The following EXOC1 variants were observed in gnomAD, a reference collection of about 807,000 sequenced individuals.
The protein encoded by EXOC1 is exocyst complex component 1.
A neutral mutation model predicts 107.7 loss-of-function variants in EXOC1; 67 were observed. The observed-to-expected ratio is 0.62, with a 90% CI of 0.51 to 0.76. The LOEUF is 0.76. Among genes scored for constraint, EXOC1 ranks in the 30% least tolerant of loss-of-function variants. The pLI, the probability that EXOC1 is intolerant of heterozygous loss-of-function variation, is 0.00. For synonymous variants in EXOC1, 348 were observed against 353.5 expected, an observed-to-expected ratio of 0.98 and a Z score of 0.17; for missense variants, 833 against 1,055.7, an observed-to-expected ratio of 0.79 and a Z score of 2.92.
At chr4:55,904,242 A>C in intron 18 of EXOC1, 101 bp from the exon 19 acceptor site, 1 of 1,217,084 alleles carries the variant, frequency 8.2e-7, no homozygotes, top group Non-Finnish European at 1.1e-6. Flanking sequence ...CCTAGCTACT[A>C]TACTACCCAA....
At chr4:55,873,315 C>A (rs112583306) in intron 8 of EXOC1, among the ~76,000 whole-genome samples, 2 of 151,980 alleles carry the variant, frequency 1.3e-5, no homozygotes, top group Non-Finnish European at 2.9e-5. Context: ...GAGAGATTCC[C>A]TTAACATTCC....
At position 55,858,677 on chromosome 4, in the gene EXOC1, T is replaced by G. The variant is rs115232064; in HGVS notation, c.124+230T>G. 5.9e-3 allele frequency among the ~76,000 whole-genome samples: 900 copies of G among 152,300 alleles called. 8 individuals are homozygous for G. The highest frequency in any genetic ancestry group is 0.021 in the African/African-American group (854 of 41,570). ...TTATATTTCCCTATAATGATGAGATTGAGCATCTTCTCATGAATTTCTTAG... is the reference window on the plus strand; with the variant it reads ...TTATATTTCCCTATAATGATGAGATGGAGCATCTTCTCATGAATTTCTTAG... On this transcript the variant is annotated intron_variant, in intron 2 of 18. Transcript: ENST00000381295.
At chr4:55,900,319 AATGACC>A in intron 17 of EXOC1, among the ~76,000 whole-genome samples, 1 of 152,316 alleles carries the variant, frequency 6.6e-6, no homozygotes, top group Admixed American at 6.5e-5. Context: ...TTACTTTATA[AATGACC>A]AAGTTTACAA....
chr4:55,865,820 C>G lies in EXOC1; in HGVS notation c.415+1434C>G, dbSNP rs11729456. Among the ~76,000 whole-genome samples, 2 of 150,524 alleles carry G rather than the reference C, an allele frequency of 1.3e-5. 1 individual carries two copies. The highest frequency in any genetic ancestry group is 4.9e-5 in the African/African-American group (2 of 40,882). On this transcript the variant is annotated intron_variant, in intron 4 of 18. Coordinates refer to ENST00000381295, the MANE Select transcript of EXOC1 (RefSeq NM_001024924.2). ...ATTACTGTTTTTGAAAATGAAGTGT[C>G]TAACTTAAAAAAAAAAAGGCATTCA...
chr4:55,889,451 T>TG (rs555484595), intron 11 of EXOC1, among the ~76,000 whole-genome samples: 302 of 152,352 alleles, frequency 2.0e-3, no homozygotes, highest in African/African-American at 6.9e-3. Flanking sequence ...TGTGAGCTAT[T>TG]GCCAGCTATA....
At chr4:55,870,620 A>G (rs1722334056) in intron 5 of EXOC1, 58 bp from the exon 6 acceptor site, 4 of 1,389,548 alleles carry the variant, frequency 2.9e-6, no homozygotes, top group South Asian at 2.4e-5. Flanking sequence ...CTAAATAACA[A>G]GTATGTTTTT....
intron 10 of EXOC1, among the ~76,000 whole-genome samples, chr4:55,884,524 G>C (rs1217873323): frequency 6.6e-6 from 1 of 152,164 alleles, no homozygotes; most frequent in Non-Finnish European, 1.5e-5. Flanking sequence ...TTGTTTATAA[G>C]TATTTTAAAT....
At chr4:55,864,904 G>A (rs1721816967) in intron 4 of EXOC1, among the ~76,000 whole-genome samples, 1 of 152,162 alleles carries the variant, frequency 6.6e-6, no homozygotes, top group Admixed American at 6.5e-5. Flanking sequence ...GGTAGATGTA[G>A]TGGTTAAGAA....
In EXOC1 at chr4:55,868,781, A is replaced by C. The variant is rs74457974; in HGVS notation, c.603+258A>C. 4.5e-3 allele frequency: 1,411 copies of C among 316,292 alleles called. 8 individuals are homozygous for C. The highest frequency in any genetic ancestry group is 0.027 in the African/African-American group (1,285 of 47,356). The allele number at this position is 316,292 out of a possible 1,614,324, so 19.6% of individuals were successfully genotyped here. A position where few individuals can be genotyped will look rare whatever the true frequency, so the allele number is the denominator to read the frequency against. ...TTGATATGAAGTGACTGGAGTAAAA[A>C]CTAGGCCAGAGAACATCTTGGGAGT... On this transcript the variant is annotated intron_variant, in intron 5 of 18. Transcript: ENST00000381295.
intron 12 of EXOC1, among the ~76,000 whole-genome samples, chr4:55,890,790 C>A (rs1164675206): frequency 1.3e-5 from 2 of 152,182 alleles, no homozygotes; most frequent in Non-Finnish European, 2.9e-5. Flanking sequence ...AATGCAGTGG[C>A]ACAGTCTCAG....
intron 9 of EXOC1, among the ~76,000 whole-genome samples, chr4:55,881,883 A>T (rs1723416815): frequency 6.6e-6 from 1 of 152,196 alleles, no homozygotes; most frequent in South Asian, 2.1e-4. Flanking sequence ...ATAAAGAAAA[A>T]GTAAACCATG....
At chr4:55,901,311 AAAC>A (rs1181274122) in intron 17 of EXOC1, among the ~76,000 whole-genome samples, 1 of 152,222 alleles carries the variant, frequency 6.6e-6, no homozygotes, top group Non-Finnish European at 1.5e-5. Flanking sequence ...GCTTATGTAA[AAAC>A]AAAATTTTTA....
At chr4:55,866,841 C>G in intron 4 of EXOC1, 1 of 984,786 alleles carries the variant, frequency 1.0e-6, no homozygotes, top group East Asian at 1.1e-4. Flanking sequence ...GCTTACTTTC[C>G]TCTGCTTTTT....
At chr4:55,874,511 T>C (rs563635020) in intron 8 of EXOC1, among the ~76,000 whole-genome samples, 8 of 152,184 alleles carry the variant, frequency 5.3e-5, no homozygotes, top group Non-Finnish European at 1.0e-4. Flanking sequence ...TTCATTGTAC[T>C]TTTTCTTATT....
intron 1 of EXOC1, among the ~76,000 whole-genome samples, chr4:55,855,561 T>A (rs936699758): frequency 2.9e-4 from 44 of 152,236 alleles, no homozygotes; most frequent in African/African-American, 9.6e-4. Flanking sequence ...AAAATACAGC[T>A]AGCTAGAAAA....
intron 8 of EXOC1, chr4:55,877,142 G>A (rs541036859): frequency 2.1e-5 from 21 of 977,706 alleles, no homozygotes; most frequent in South Asian, 1.4e-4. Context: ...AATTCAGGAC[G>A]CTTATTTAGC....
chr4:55,896,703 C>G lies in EXOC1; in HGVS notation c.1954-14C>G. ...CTTGGTTATTTATCTCCCTTGCTCT[C>G]TGCCTAACTTTAGAGTAACCAAATA... On this transcript the variant is annotated splice_polypyrimidine_tract_variant and intron_variant, in intron 15 of 18. Transcript: ENST00000381295. 4 of 1,583,652 alleles carry G rather than the reference C, an allele frequency of 2.5e-6. No homozygotes were observed. The highest frequency in any genetic ancestry group is 3.4e-6 in the Non-Finnish European group (4 of 1,170,540).
At chr4:55,878,179 C>T in intron 9 of EXOC1, 113 bp downstream of exon 9, 1 of 1,194,756 alleles carries the variant, frequency 8.4e-7, no homozygotes, top group Non-Finnish European at 1.2e-6. Context: ...CTTAGCAAAG[C>T]AGAAAATGAG....
intron 8 of EXOC1, among the ~76,000 whole-genome samples, chr4:55,873,293 AG>A (rs1464744029): frequency 6.6e-6 from 1 of 152,110 alleles, no homozygotes; most frequent in East Asian, 1.9e-4. Context: ...AAAGCACGGT[AG>A]GGGGGAATCA....
Sources: allele counts gnomAD v4.1 joint callset (sites outside exome capture counted in the v4.1 genomes callset), GRCh38; gene constraint gnomAD v4.1.1; transcripts MANE v1.5; gene names NCBI Gene and HGNC (gene_info 2026-07-23, HGNC 2026-07-21).